The following TAS2R1 variants were observed in gnomAD, a reference collection of about 807,000 sequenced individuals.
The protein encoded by TAS2R1 is taste 2 receptor member 1.
For missense variants in TAS2R1, 370 were observed against 353.4 expected, an observed-to-expected ratio of 1.05 and a Z score of -0.38; for synonymous variants, 141 against 134.2, an observed-to-expected ratio of 1.05 and a Z score of -0.35.
chr5:9,772,784 G>T, the TAS2R1 span, among the ~76,000 whole-genome samples: 14 of 152,116 alleles, frequency 9.2e-5, no homozygotes, highest in Middle Eastern at 3.4e-3. Context: ...TTGTCTTAAA[G>T]TCTATTTTGT....
At chr5:9,710,381 C>T (rs1741705273) in intron 1 of TAS2R1, among the ~76,000 whole-genome samples, 1 of 152,240 alleles carries the variant, frequency 6.6e-6, no homozygotes, top group African/African-American at 2.4e-5. Context: ...CTCTAATTCC[C>T]CCAATAGTAG....
intron 1 of TAS2R1, among the ~76,000 whole-genome samples, chr5:9,696,425 G>T (rs1046644494): frequency 9.9e-5 from 15 of 152,006 alleles, no homozygotes; most frequent in Non-Finnish European, 2.2e-4. Context: ...AGCCAGGCGT[G>T]GTGGCACGTG....
chr5:9,861,289 CG>C, the TAS2R1 span, among the ~76,000 whole-genome samples: 1 of 151,946 alleles, frequency 6.6e-6, no homozygotes, highest in Non-Finnish European at 1.5e-5. Flanking sequence ...AGCCCACGCA[CG>C]GATCACTTTA....
intron 1 of TAS2R1, among the ~76,000 whole-genome samples, chr5:9,704,875 C>A (rs1346513385): frequency 2.0e-5 from 3 of 152,180 alleles, no homozygotes; most frequent in African/African-American, 7.2e-5. Context: ...TATCAGAATG[C>A]AAAATGCACA....
the TAS2R1 span, among the ~76,000 whole-genome samples, chr5:9,758,782 A>G: frequency 6.6e-6 from 1 of 152,226 alleles, no homozygotes; most frequent in Admixed American, 6.5e-5. Flanking sequence ...TCGGCAGCCC[A>G]TGAGGTGCAC....
the TAS2R1 span, among the ~76,000 whole-genome samples, chr5:9,830,018 G>A: frequency 0.28 from 43,182 of 151,920 alleles, 6,858 homozygotes; most frequent in Non-Finnish European, 0.37. Flanking sequence ...TGTCACACAT[G>A]GTCACAAGGA....
At chr5:9,768,376 G>T in the TAS2R1 span, among the ~76,000 whole-genome samples, 1 of 152,120 alleles carries the variant, frequency 6.6e-6, no homozygotes, top group Non-Finnish European at 1.5e-5. Flanking sequence ...TGAATCCCAT[G>T]TCATCAAATT....
the TAS2R1 span, among the ~76,000 whole-genome samples, chr5:9,839,966 A>C: frequency 2.0e-5 from 3 of 152,174 alleles, no homozygotes; most frequent in Non-Finnish European, 4.4e-5. Context: ...ACCATTCTAG[A>C]CTTTCGTCCT....
the TAS2R1 span, among the ~76,000 whole-genome samples, chr5:9,812,891 C>T: frequency 2.0e-5 from 3 of 152,170 alleles, no homozygotes; most frequent in African/African-American, 7.2e-5. Context: ...AGCTACATTT[C>T]TTAATTGCCT....
the TAS2R1 span, among the ~76,000 whole-genome samples, chr5:9,759,307 C>G: frequency 6.6e-6 from 1 of 152,182 alleles, no homozygotes. Context: ...ACTCAACACT[C>G]TGGAAATCCA....
At chr5:9,687,563 C>T (rs964666990) in intron 1 of TAS2R1, among the ~76,000 whole-genome samples, 3 of 143,426 alleles carry the variant, frequency 2.1e-5, no homozygotes, top group African/African-American at 8.0e-5. Flanking sequence ...TGAAGTTTCC[C>T]TTTCTGCCTG....
At chr5:9,748,031 C>T in the TAS2R1 span, among the ~76,000 whole-genome samples, 1 of 152,180 alleles carries the variant, frequency 6.6e-6, no homozygotes, top group Non-Finnish European at 1.5e-5. Context: ...GACATGGTGG[C>T]TGCAGGTGAG....
At position 9,686,754 on chromosome 5, in the gene TAS2R1, T is replaced by C. The variant is rs539866779; in HGVS notation, c.-242+25418A>G. On this transcript the variant is annotated intron_variant, in intron 1 of 2. Coordinates refer to the TAS2R1 transcript ENST00000506620. Reference sequence around the variant, plus strand: ...ACAGAAACTATATGGCTGCCAAAATTTTCTTTTCAAAAAACTTAATATAGG... The same window carrying C: ...ACAGAAACTATATGGCTGCCAAAATCTTCTTTTCAAAAAACTTAATATAGG... 6.6e-5 allele frequency among the ~76,000 whole-genome samples: 10 copies of C among 152,254 alleles called. No homozygotes were observed. In the East Asian group the frequency reaches 1.9e-3, roughly 29 times the overall value.
At chr5:9,746,006 G>A in the TAS2R1 span, among the ~76,000 whole-genome samples, 11 of 152,082 alleles carry the variant, frequency 7.2e-5, no homozygotes. Flanking sequence ...GAAAATTTTT[G>A]CAATCTACCC....
At chr5:9,685,726 T>A (rs916644420) in intron 1 of TAS2R1, among the ~76,000 whole-genome samples, 1 of 152,214 alleles carries the variant, frequency 6.6e-6, no homozygotes, top group Non-Finnish European at 1.5e-5. Context: ...CACTATATAG[T>A]GTCCAGGGAA....
At chr5:9,847,138 C>T in the TAS2R1 span, among the ~76,000 whole-genome samples, 9 of 152,182 alleles carry the variant, frequency 5.9e-5, no homozygotes, top group Non-Finnish European at 1.2e-4. Context: ...AAACCTTACA[C>T]GCTGAAATCC....
chr5:9,805,817 T>C, the TAS2R1 span, among the ~76,000 whole-genome samples: 44 of 152,090 alleles, frequency 2.9e-4, no homozygotes, highest in South Asian at 8.5e-3. Context: ...GTTGAAAGAA[T>C]TCCCACTGAG....
chr5:9,751,126 G>C, the TAS2R1 span, among the ~76,000 whole-genome samples: 7 of 150,878 alleles, frequency 4.6e-5, no homozygotes, highest in South Asian at 1.5e-3. Flanking sequence ...AAGGCAACTA[G>C]ATCAAAGGTT....
At chr5:9,686,569 A>G (rs566242964) in intron 1 of TAS2R1, among the ~76,000 whole-genome samples, 1 of 152,298 alleles carries the variant, frequency 6.6e-6, no homozygotes, top group African/African-American at 2.4e-5. Flanking sequence ...AGATCAAAGG[A>G]AAAACAACAA....
Sources: allele counts gnomAD v4.1 joint callset (sites outside exome capture counted in the v4.1 genomes callset), GRCh38; gene constraint gnomAD v4.1.1; transcripts MANE v1.5; gene names NCBI Gene and HGNC (gene_info 2026-07-23, HGNC 2026-07-21).